TACC2: variants seen among roughly 807,000 people sequenced by gnomAD.
TACC2 encodes transforming acidic coiled-coil-containing protein 2.
A neutral mutation model predicts 227.3 loss-of-function variants in TACC2; 137 were observed. That is an observed-to-expected ratio of 0.60 (90% confidence interval 0.52 to 0.69). The LOEUF is 0.69. Ranked by LOEUF, TACC2 falls within the 30% of genes least tolerant of loss-of-function variation. The probability of loss-of-function intolerance (pLI) is 0.00; values close to 1 mark genes in which losing one functional copy is unlikely to be tolerated. For synonymous variants in TACC2, 1,523 were observed against 1,487.5 expected (o/e 1.02, Z -0.55); for missense variants, 3,470 against 3,694.4 (o/e 0.94, Z 1.57).
chr10:122,047,670 T>C (rs1035697671), intron 2 of TACC2, among the ~76,000 whole-genome samples: 1 of 152,230 alleles, frequency 6.6e-6, no homozygotes, highest in Non-Finnish European at 1.5e-5. Context: ...TTGGCCCAGT[T>C]ACTAAACCTC....
rs1231761226 is a variant in TACC2 at position 122,047,022 on chromosome 10, T to C, written c.34-3416T>C. On this transcript the variant is annotated intron_variant, in intron 2 of 22. Coordinates refer to ENST00000369005, the MANE Select transcript of TACC2 (RefSeq NM_206862.4). Reference sequence around the variant, plus strand: ...ATAGATAAAGAATCTTGGCCGGGTGTGGTGGCACCTGTAATTCCAGCACTT... The same window carrying C: ...ATAGATAAAGAATCTTGGCCGGGTGCGGTGGCACCTGTAATTCCAGCACTT... 2.6e-5 allele frequency among the ~76,000 whole-genome samples: 4 copies of C among 152,104 alleles called. No individual in the cohort carries two copies. The South Asian group carries it at 8.3e-4, about 32-fold the overall frequency.
intron 1 of TACC2, among the ~76,000 whole-genome samples, chr10:122,014,218 A>G (rs922909304): frequency 7.1e-6 from 1 of 140,156 alleles, no homozygotes; most frequent in Non-Finnish European, 1.5e-5. Flanking sequence ...ATGAAATGAG[A>G]CCTGTGTAAT....
Position 122,085,662 on chromosome 10 carries a change from G to A in TACC2, c.3162G>A (p.Leu1054=). ...GTCAGCCTGACTCAGTAGCTCTCCT[G>A]GATGCAGTTCCCTGCCTGCCAGCCC... ...PPCQPDSVAL[L]DAVPCLPALA... Residue 1054 remains leucine (L), a synonymous_variant, in exon 4 of 23, where the codon CTG becomes CTA. Transcript: ENST00000369005. 6.2e-7 allele frequency: 1 copy of A among 1,613,602 alleles called. No homozygotes were observed. The highest frequency in any genetic ancestry group is 1.3e-5 in the African/African-American group (1 of 75,052).
intron 5 of TACC2, among the ~76,000 whole-genome samples, chr10:122,122,000 C>T (rs2085910142): frequency 6.6e-6 from 1 of 152,186 alleles, no homozygotes; most frequent in African/African-American, 2.4e-5. Context: ...AGGGTTCTCG[C>T]CATGGGTCTC....
At chr10:122,181,654 T>G (rs2093974209) in intron 7 of TACC2, among the ~76,000 whole-genome samples, 1 of 152,228 alleles carries the variant, frequency 6.6e-6, no homozygotes, top group African/African-American at 2.4e-5. Flanking sequence ...GGTGCTGTTT[T>G]CTCCTACAAG....
At chr10:122,030,471 C>T (rs189420109) in intron 2 of TACC2, among the ~76,000 whole-genome samples, 22 of 152,178 alleles carry the variant, frequency 1.4e-4, no homozygotes, top group African/African-American at 3.9e-4. Flanking sequence ...TCCTTGCAGG[C>T]GACGGATGTT....
At chr10:122,171,690 A>C (rs1212400693) in intron 7 of TACC2, among the ~76,000 whole-genome samples, 1 of 152,242 alleles carries the variant, frequency 6.6e-6, no homozygotes, top group Non-Finnish European at 1.5e-5. Context: ...AATGTGCTAA[A>C]AGAAAATGTT....
chr10:122,083,071 TC>T lies in TACC2; in HGVS notation c.573del (p.Ser192ValfsTer18). The T allele has an allele frequency of 6.2e-7, 1 of 1,612,746 alleles. No homozygotes were observed. Among genetic ancestry groups the T allele is most frequent in the Non-Finnish European group, 8.5e-7 (1 of 1,179,980 alleles). On this transcript the variant is annotated frameshift_variant, in exon 4 of 23. Coordinates refer to ENST00000369005, the MANE Select transcript of TACC2 (RefSeq NM_206862.4). LOFTEE classifies it high-confidence loss of function. Reference protein sequence around the residue: ...EEGQKSSFSFSSGIDQSPGMS... With the variant: ...EEGQKSSFSFXSGIDQSPGMS... Reference sequence around the variant, plus strand: ...AGGACAGAAGTCCTCCTTCTCCTTCTCCAGTGGCATCGACCAGTCACCTGGA... The same window carrying T: ...AGGACAGAAGTCCTCCTTCTCCTTCTCAGTGGCATCGACCAGTCACCTGGA...
chr10:122,085,804 T>G lies in TACC2; in HGVS notation c.3304T>G (p.Cys1102Gly). The G allele has an allele frequency of 6.2e-7, 1 of 1,613,062 alleles. No individual in the cohort carries two copies. The highest frequency in any genetic ancestry group is 1.1e-5 in the South Asian group (1 of 91,000). The change falls in exon 4 of 23, where the codon TGC becomes GGC. Residue 1102 changes from cysteine (C) to glycine (G), a missense_variant. Physicochemically the swap from Cys to Gly is radical, Grantham distance 159. Coordinates refer to ENST00000369005, the MANE Select transcript of TACC2 (RefSeq NM_206862.4). ...PVPAPQQKME[C>G]WATSDAESPK... is the part of the protein sequence containing the mutation. ...GCCGGCCCCGCAGCAGAAAATGGAG[T>G]GCTGGGCCACTTCGGATGCAGAGTC... is the stretch of plus-strand genomic sequence containing the variant.
Position 122,227,902 on chromosome 10 carries a change from G to A in TACC2, c.7790G>A (p.Arg2597Gln), listed in dbSNP as rs1453598568. 14 of 1,614,116 alleles carry A rather than the reference G, an allele frequency of 8.7e-6. No homozygotes were observed. The highest frequency in any genetic ancestry group is 4.5e-5 in the East Asian group (2 of 44,900). ...TAAKNQHPVPRGLAPNQESHL... is the reference protein window; with the variant it reads ...TAAKNQHPVPQGLAPNQESHL... ...GCGAAAAACCAGCATCCTGTCCCAC[G>A]AGGACTGGCCCCTAACCAAGAGTCA... Residue 2597 changes from arginine to glutamine, a missense_variant, in exon 14 of 23, where the codon CGA becomes CAA. By Grantham distance (43) the Arg-to-Gln change is conservative. This residue lies in a region of TACC2 where 345 missense variants were observed against 354.4 expected (regional missense o/e 0.97). Coordinates refer to ENST00000369005, the MANE Select transcript of TACC2 (RefSeq NM_206862.4).
intron 5 of TACC2, among the ~76,000 whole-genome samples, chr10:122,092,224 T>A (rs2080899221): frequency 6.6e-6 from 1 of 152,232 alleles, no homozygotes; most frequent in Admixed American, 6.5e-5. Context: ...AATATTTCAA[T>A]GGCTGAGGAG....
rs56185263 is a variant in TACC2, at chr10:122,051,765, C to CTTTTTTTTTTTTTTTTTTTTTTT, written c.146+1220_146+1242dup. On this transcript the variant is annotated intron_variant, in intron 3 of 22. Coordinates refer to ENST00000369005, the MANE Select transcript of TACC2 (RefSeq NM_206862.4). Reference sequence around the variant, plus strand: ...TGCAAAACCTTGAGACTCAAAGTGACTTTTTTTTTTTTTTTTTTTTTTTTT... The same window carrying CTTTTTTTTTTTTTTTTTTTTTTT: ...TGCAAAACCTTGAGACTCAAAGTGACTTTTTTTTTTTTTTTTTTTTTTTTTTTTTTTTTTTTTTTTTTTTTTTT... The CTTTTTTTTTTTTTTTTTTTTTTT allele has an allele frequency of 1.6e-5, 2 of 122,432 alleles. 1 individual carries two copies. The highest frequency in any genetic ancestry group is 1.7e-4 in the Admixed American group (2 of 11,710). 7.6% of individuals were successfully genotyped at this position (122,432 alleles called of 1,614,324 possible).
intron 8 of TACC2, among the ~76,000 whole-genome samples, chr10:122,195,756 C>G (rs559094507): frequency 6.6e-6 from 1 of 152,260 alleles, no homozygotes; most frequent in African/African-American, 2.4e-5. Flanking sequence ...CACCCCACCC[C>G]TGTGGGGCAT....
At chr10:122,185,683 G>T (rs1369620409) in intron 7 of TACC2, among the ~76,000 whole-genome samples, 1 of 152,208 alleles carries the variant, frequency 6.6e-6, no homozygotes, top group Non-Finnish European at 1.5e-5. Context: ...TTTAGTGCAA[G>T]CTCTGTGTCA....
Position 122,087,727 on chromosome 10 carries a change from C to T in TACC2, c.5227C>T (p.Pro1743Ser). 1 of 1,611,948 alleles carries T rather than the reference C, an allele frequency of 6.2e-7. No individual in the cohort carries two copies. The highest frequency in any genetic ancestry group is 8.5e-7 in the Non-Finnish European group (1 of 1,179,488). Residue 1743 changes from proline (P) to serine (S), a missense_variant, in exon 4 of 23, where the codon CCA (proline) becomes TCA (serine). Transcript: ENST00000369005. ...CGTTGTGGCAGGTGACTTGGTGCTG[C>T]CAGGAAGCTGTCAGGACCCAGCCTG... ...FSVVAGDLVL[P>S]GSCQDPACSD...
rs112508891 is a variant in TACC2, at chr10:121,992,335, G to A, written c.-46+2847G>A. ...GAAAAACCTGAAGGTTTTAAGAGCC[G>A]AAAAAGTGCTAATGTGAAAACACGC... On this transcript the variant is annotated intron_variant, in intron 1 of 22. Transcript: ENST00000369005. Among the ~76,000 whole-genome samples, 383 of 152,286 alleles carry A rather than the reference G, an allele frequency of 2.5e-3. 2 individuals are homozygous for A. The highest frequency in any genetic ancestry group is 7.9e-3 in the African/African-American group (330 of 41,564).
intron 2 of TACC2, chr10:122,022,231 A>T (rs189834651): frequency 5.8e-5 from 30 of 513,912 alleles, no homozygotes; most frequent in African/African-American, 5.4e-4. Context: ...GGAAACGCTA[A>T]TTCTACTTAT....
intron 7 of TACC2, among the ~76,000 whole-genome samples, chr10:122,145,677 TA>T (rs2139310224): frequency 6.6e-6 from 1 of 152,244 alleles, no homozygotes; most frequent in East Asian, 1.9e-4. Context: ...AGGGCTAGAG[TA>T]GATTTTTGAT....
chr10:122,153,522 C>T (rs1387781832), intron 7 of TACC2, among the ~76,000 whole-genome samples: 1 of 152,150 alleles, frequency 6.6e-6, no homozygotes, highest in Non-Finnish European at 1.5e-5. Flanking sequence ...GATTGCAGAC[C>T]TCGGGTTTCG....
Sources: gnomAD v4.1 joint callset for allele counts (sites outside exome capture counted in the v4.1 genomes callset) on GRCh38, gnomAD v4.1.1 for gene constraint, gnomAD v4.1.1 regional missense constraint, MANE v1.5 for transcripts, NCBI Gene and HGNC (gene_info 2026-07-23, HGNC 2026-07-21) for gene names.